The following SOX6 variants were observed in gnomAD, a reference collection of about 807,000 sequenced individuals.
The protein encoded by SOX6 is SRY-box transcription factor 6.
SOX6 carries 11 observed loss-of-function variants against 97.8 expected under a neutral mutation model. The ratio of observed to expected loss-of-function variants is 0.11; its 90% CI spans 0.07 to 0.19. The LOEUF (loss-of-function observed/expected upper bound fraction) is 0.19, where lower values mean the gene tolerates loss of function less well. Among genes scored for constraint, SOX6 ranks in the 10% least tolerant of loss-of-function variants. The pLI is 1.00. For missense variants in SOX6, 810 were observed against 1,039.5 expected (o/e 0.78, Z 3.04); for synonymous variants, 360 against 371.4 (o/e 0.97, Z 0.35).
intron 4 of SOX6, among the ~76,000 whole-genome samples, chr11:16,229,883 A>G (rs1852797506): frequency 6.6e-6 from 1 of 151,802 alleles, no homozygotes; most frequent in Admixed American, 6.6e-5. Flanking sequence ...AAAGAGGAAA[A>G]GTTTTTCAAT....
chr11:16,272,806 C>T (rs1224746744), intron 3 of SOX6, among the ~76,000 whole-genome samples: 1 of 151,832 alleles, frequency 6.6e-6, no homozygotes, highest in Non-Finnish European at 1.5e-5. Flanking sequence ...CATTTTCAAC[C>T]TCTCTGCTTT....
chr11:16,463,177 C>A (rs1183782405), intron 1 of SOX6, among the ~76,000 whole-genome samples: 1 of 152,188 alleles, frequency 6.6e-6, no homozygotes, highest in Non-Finnish European at 1.5e-5. Context: ...TGGTTCCAAA[C>A]TCAGATCAAC....
At chr11:16,182,269 G>A (rs1851365959) in intron 6 of SOX6, among the ~76,000 whole-genome samples, 1 of 151,770 alleles carries the variant, frequency 6.6e-6, no homozygotes, top group African/African-American at 2.4e-5. Flanking sequence ...AAGTTATAAA[G>A]CAGTAGTAAA....
intron 6 of SOX6, among the ~76,000 whole-genome samples, chr11:16,145,195 C>T (rs981364131): frequency 1.3e-5 from 2 of 152,182 alleles, no homozygotes; most frequent in Non-Finnish European, 2.9e-5. Context: ...GCTGGTTCAA[C>T]ATGCGCAAAT....
At chr11:16,634,986 CT>C (rs992851629) in intron 3 of SOX6, among the ~76,000 whole-genome samples, 1 of 152,198 alleles carries the variant, frequency 6.6e-6, no homozygotes, top group African/African-American at 2.4e-5. Context: ...TTTGCTTCCC[CT>C]TCTGACATGA....
At chr11:16,398,468 T>G (rs1858430531) in intron 1 of SOX6, among the ~76,000 whole-genome samples, 2 of 151,406 alleles carry the variant, frequency 1.3e-5, no homozygotes, top group South Asian at 2.1e-4. Flanking sequence ...AAGGGTCTAC[T>G]AGGATAGGAA....
At chr11:16,321,120 A>G (rs980610368) in intron 2 of SOX6, among the ~76,000 whole-genome samples, 1 of 152,160 alleles carries the variant, frequency 6.6e-6, no homozygotes, top group African/African-American at 2.4e-5. Context: ...ATGCAGAGAT[A>G]TATTTGTCAA....
chr11:16,194,658 C>T (rs1851723332), intron 4 of SOX6, among the ~76,000 whole-genome samples: 1 of 152,188 alleles, frequency 6.6e-6, no homozygotes, highest in South Asian at 2.1e-4. Flanking sequence ...AGATCAAACT[C>T]TCCTATACCA....
chr11:16,051,859 T>C (rs1011030660), intron 10 of SOX6, among the ~76,000 whole-genome samples: 3 of 151,076 alleles, frequency 2.0e-5, no homozygotes, highest in African/African-American at 7.4e-5. Context: ...GTCTATTCGA[T>C]GTTGCCCCAC....
chr11:16,685,043 A>G (rs1457164681), intron 3 of SOX6, among the ~76,000 whole-genome samples: 1 of 152,100 alleles, frequency 6.6e-6, no homozygotes, highest in African/African-American at 2.4e-5. Context: ...GGACAGCACC[A>G]AGCCATGAGG....
At chr11:16,546,752 T>C (rs1816785688) in intron 4 of SOX6, among the ~76,000 whole-genome samples, 1 of 151,920 alleles carries the variant, frequency 6.6e-6, no homozygotes, top group South Asian at 2.1e-4. Flanking sequence ...AAAACAAAAG[T>C]AGACAAATGG....
In SOX6 at chr11:16,408,463, A is replaced by C. The variant is rs12796051; in HGVS notation, c.-4-67211T>G. On this transcript the variant is annotated intron_variant, in intron 1 of 15. Coordinates refer to the SOX6 transcript ENST00000396356. The stretch of plus-strand genomic sequence containing the variant: ...ATATATATTTCACATGCATACATAT[A>C]TCTCATCTGGTACATAGTATGTGCT... Among the ~76,000 whole-genome samples, 1,071 of 152,324 alleles carry C rather than the reference A, an allele frequency of 7.0e-3. 1 individual carries two copies. The highest frequency in any genetic ancestry group is 0.012 in the Non-Finnish European group (842 of 68,024).
At chr11:15,984,123 T>C (rs1853753279) in intron 15 of SOX6, among the ~76,000 whole-genome samples, 1 of 152,214 alleles carries the variant, frequency 6.6e-6, no homozygotes, top group African/African-American at 2.4e-5. Context: ...TAGAGAATTA[T>C]GTGACTTATA....
At position 16,341,161 on chromosome 11, in the gene SOX6, C is replaced by T. The variant is rs747427021; in HGVS notation, c.88G>A (p.Glu30Lys). ...GCCACATGTTGATCACTGCCCTCTTCCTTTTCCCTTGAGGTTAAATCCTGG... is the reference window on the plus strand; with the variant it reads ...GCCACATGTTGATCACTGCCCTCTTTCTTTTCCCTTGAGGTTAAATCCTGG... ...MTQDLTSREKEEGSDQHVASH... is the reference protein window; with the variant it reads ...MTQDLTSREKKEGSDQHVASH... Residue 30 changes from glutamate to lysine, a missense_variant, in exon 2 of 16, where the codon GAA becomes AAA. Physicochemically the swap from Glu to Lys is moderately conservative, Grantham distance 56. Transcript: ENST00000683767. The T allele has an allele frequency of 1.9e-6, 3 of 1,613,496 alleles. No individual in the cohort carries two copies. The highest frequency in any genetic ancestry group is 4.5e-5 in the East Asian group (2 of 44,840).
chr11:16,633,875 T>C (rs1848746729), intron 3 of SOX6, among the ~76,000 whole-genome samples: 1 of 152,212 alleles, frequency 6.6e-6, no homozygotes, highest in South Asian at 2.1e-4. Context: ...CTAACCAAGC[T>C]AATTGCCTTA....
intron 4 of SOX6, among the ~76,000 whole-genome samples, chr11:16,588,547 C>G (rs1194107851): frequency 1.3e-5 from 2 of 152,150 alleles, no homozygotes; most frequent in African/African-American, 4.8e-5. Context: ...AGGCTGGGTG[C>G]AGAAACAACA....
intron 3 of SOX6, among the ~76,000 whole-genome samples, chr11:16,265,698 G>A (rs1854065253): frequency 6.6e-6 from 1 of 151,856 alleles, no homozygotes; most frequent in Non-Finnish European, 1.5e-5. Context: ...TTACATGTTT[G>A]CTAAGCTAGT....
chr11:16,695,831 G>GA (rs113146081), intron 3 of SOX6, among the ~76,000 whole-genome samples: 30 of 146,180 alleles, frequency 2.1e-4, no homozygotes, highest in African/African-American at 3.5e-4. Context: ...CTACCAATAA[G>GA]AAAAAAAAAA....
chr11:16,475,322 TG>T (rs1157095143), intron 1 of SOX6, among the ~76,000 whole-genome samples: 1 of 152,222 alleles, frequency 6.6e-6, no homozygotes, highest in Admixed American at 6.5e-5. Flanking sequence ...GCCTAGCTTT[TG>T]ACCTGTCTCA....
Sources: allele counts gnomAD v4.1 joint callset (sites outside exome capture counted in the v4.1 genomes callset), GRCh38; gene constraint gnomAD v4.1.1; transcripts MANE v1.5; gene names NCBI Gene and HGNC (gene_info 2026-07-23, HGNC 2026-07-21).